Variants in PDK1 observed in about 807,000 individuals in gnomAD.
PDK1 encodes the protein [Pyruvate dehydrogenase (acetyl-transferring)] kinase isozyme 1, mitochondrial.
A neutral mutation model predicts 54.2 loss-of-function variants in PDK1; 39 were observed. That is an observed-to-expected ratio of 0.72 (90% CI 0.56 to 0.94). The LOEUF is 0.94. Ranked by LOEUF, PDK1 falls within the 40% of genes least tolerant of loss-of-function variation. The pLI is 0.00. For synonymous variants in PDK1, 221 were observed against 207.1 expected (o/e 1.07, Z -0.58); for missense variants, 552 against 566.0 (o/e 0.98, Z 0.25).
chr2:172,638,565 T>C, the PDK1 span, among the ~76,000 whole-genome samples: 4 of 152,212 alleles, frequency 2.6e-5, no homozygotes, highest in African/African-American at 9.6e-5. Flanking sequence ...AGCATAAAAC[T>C]AGGAAATATC....
At chr2:172,643,518 A>G in the PDK1 span, among the ~76,000 whole-genome samples, 2 of 152,148 alleles carry the variant, frequency 1.3e-5, no homozygotes, top group African/African-American at 4.8e-5. Flanking sequence ...TCTCCTGCCC[A>G]AATACCCAGA....
chr2:172,712,039 G>A, the PDK1 span, among the ~76,000 whole-genome samples: 61 of 151,756 alleles, frequency 4.0e-4, no homozygotes, highest in Admixed American at 1.8e-3. Context: ...ATATATTTAC[G>A]TTTATTTGCA....
At chr2:172,633,577 T>TAG in the PDK1 span, among the ~76,000 whole-genome samples, 5 of 145,956 alleles carry the variant, frequency 3.4e-5, no homozygotes, top group South Asian at 2.2e-4. Flanking sequence ...GTTTTGCTTG[T>TAG]TTTTTTAATT....
At position 172,598,998 on chromosome 2, in the gene PDK1, C is replaced by G. The variant is rs879282222; in HGVS notation, c.*3029C>G. 1.3e-5 allele frequency: 2 copies of G among 151,982 alleles called. No homozygotes were observed. The highest frequency in any genetic ancestry group is 2.9e-5 in the Non-Finnish European group (2 of 67,972). 9.4% of individuals were successfully genotyped at this position (151,982 alleles called of 1,614,324 possible). A position where few individuals can be genotyped will look rare whatever the true frequency, so the allele number is the denominator to read the frequency against. On this transcript the variant is annotated 3_prime_UTR_variant, in exon 11 of 11. Transcript: ENST00000282077. ...AATGTGTATATTCTAATGGAGAAAG[C>G]AAGAGGTAGAGTTTGTATGTTTGAC...
the PDK1 span, among the ~76,000 whole-genome samples, chr2:172,682,463 C>T: frequency 1.3e-5 from 2 of 152,188 alleles, no homozygotes; most frequent in Non-Finnish European, 2.9e-5. Flanking sequence ...GTGGAGATGG[C>T]CAGCAGACTG....
the PDK1 span, chr2:172,723,283 T>C: frequency 6.6e-6 from 1 of 152,196 alleles, no homozygotes; most frequent in East Asian, 1.9e-4. Flanking sequence ...ATTCTTTTGA[T>C]GACAAAGGAT....
the PDK1 span, chr2:172,677,633 T>G: frequency 6.6e-6 from 1 of 152,198 alleles, no homozygotes; most frequent in East Asian, 1.9e-4. Context: ...AGGAAAATTA[T>G]TGCCTAGACA....
the PDK1 span, chr2:172,723,073 C>T: frequency 6.6e-6 from 1 of 151,898 alleles, no homozygotes; most frequent in Admixed American, 6.6e-5. Flanking sequence ...TTCTGATGAA[C>T]CGATGAACTC....
chr2:172,668,363 A>G, the PDK1 span, among the ~76,000 whole-genome samples: 1,081 of 150,962 alleles, frequency 7.2e-3, 18 homozygotes, highest in African/African-American at 0.025. Flanking sequence ...TCCCACTTAT[A>G]TCTCTACTTC....
chr2:172,568,579 G>T (rs1028369807), intron 6 of PDK1, among the ~76,000 whole-genome samples, 162 bp from the exon 7 acceptor site: 2 of 152,092 alleles, frequency 1.3e-5, no homozygotes, highest in Admixed American at 6.6e-5. Context: ...TGTGGGTATG[G>T]GTTCAAACAC....
At chr2:172,667,951 C>T in the PDK1 span, among the ~76,000 whole-genome samples, 1 of 152,208 alleles carries the variant, frequency 6.6e-6, no homozygotes, top group African/African-American at 2.4e-5. Context: ...TAAGATTATG[C>T]TTTGCCAGAG....
the PDK1 span, among the ~76,000 whole-genome samples, chr2:172,634,262 A>ATATTATTATTATTATTATTATTATTGT: frequency 7.2e-6 from 1 of 139,464 alleles, no homozygotes; most frequent in Non-Finnish European, 1.5e-5. Flanking sequence ...AAATCTATTT[A>ATATTATTATTATTATTATTATTATTGT]TATTATTATT....
At chr2:172,646,691 A>G in the PDK1 span, among the ~76,000 whole-genome samples, 1 of 144,436 alleles carries the variant, frequency 6.9e-6, no homozygotes, top group Non-Finnish European at 1.5e-5. Flanking sequence ...CTCTGTCCCC[A>G]GAGATTTTTG....
intron 9 of PDK1, among the ~76,000 whole-genome samples, chr2:172,587,620 T>G (rs1359705154): frequency 1.3e-5 from 2 of 151,838 alleles, no homozygotes; most frequent in African/African-American, 2.4e-5. Context: ...GAACAAAGCT[T>G]CTACAGCCTG....
chr2:172,636,993 A>G, the PDK1 span, among the ~76,000 whole-genome samples: 2 of 152,228 alleles, frequency 1.3e-5, no homozygotes, highest in African/African-American at 2.4e-5. Context: ...CCTACTCCAG[A>G]ACTTAAGTTC....
rs899265236 is a variant in PDK1, at chr2:172,599,092, G to T, written c.*3123G>T. On this transcript the variant is annotated 3_prime_UTR_variant, in exon 11 of 11. Transcript: ENST00000282077. ...CTTGTTGCATAAATGAAGATCTTCT[G>T]TTGTGTGCTTTTCAAACACTGTAAA... 10 of 149,718 alleles carry T rather than the reference G, an allele frequency of 6.7e-5. No homozygotes were observed. Among genetic ancestry groups the T allele is most frequent in the Non-Finnish European group, 5.9e-5 (4 of 67,742 alleles). 9.3% of individuals were successfully genotyped at this position (149,718 alleles called of 1,614,324 possible).
At chr2:172,564,155 C>G (rs141760298) in intron 3 of PDK1, 50 of 478,484 alleles carry the variant, frequency 1.0e-4, no homozygotes, top group African/African-American at 9.5e-4. Flanking sequence ...TCCTCCTATG[C>G]AGAATGTCTC....
At chr2:172,619,488 C>CTTT in the PDK1 span, among the ~76,000 whole-genome samples, 6 of 146,926 alleles carry the variant, frequency 4.1e-5, no homozygotes, top group African/African-American at 1.5e-4. Context: ...CTAGGCCTAG[C>CTTT]TTTTTTTTTT....
intron 8 of PDK1, among the ~76,000 whole-genome samples, chr2:172,582,164 T>A (rs1689947733): frequency 1.3e-5 from 2 of 152,198 alleles, no homozygotes; most frequent in Non-Finnish European, 2.9e-5. Context: ...TCTGACCACC[T>A]CAGACTCCCA....
Sources: gnomAD v4.1 joint callset for allele counts (sites outside exome capture counted in the v4.1 genomes callset) on GRCh38, gnomAD v4.1.1 for gene constraint, MANE v1.5 for transcripts, NCBI Gene and HGNC (gene_info 2026-07-23, HGNC 2026-07-21) for gene names.